Variants in DAB2IP observed in about 807,000 individuals in gnomAD.
DAB2IP encodes DAB2 interacting protein.
In DAB2IP, 28 loss-of-function variants were observed where a neutral mutation model predicts 107.2. The observed-to-expected ratio is 0.26, with a 90% confidence interval of 0.19 to 0.36. The LOEUF (loss-of-function observed/expected upper bound fraction) is 0.36. DAB2IP is among the 10% of genes least tolerant of loss of function. The probability of loss-of-function intolerance (pLI) is 1.00; values close to 1 mark genes in which losing one functional copy is unlikely to be tolerated. For synonymous variants in DAB2IP, 755 were observed against 706.4 expected (o/e 1.07, Z -1.09); for missense variants, 1,400 against 1,644.7 (o/e 0.85, Z 2.57).
At position 121,633,184 on chromosome 9, in the gene DAB2IP, AAT is replaced by A; in HGVS notation, c.41-45492_41-45491del. Among the ~76,000 whole-genome samples, 1 of 152,226 alleles carries A rather than the reference AAT, an allele frequency of 6.6e-6. No individual in the cohort carries two copies. The highest frequency in any genetic ancestry group is 1.5e-5 in the Non-Finnish European group (1 of 68,034). ...CTGAAAAATTCATGAGCACGCTGGG[AAT>A]AGAGACCTCATCGGGAAGGTTTGAC... is the stretch of plus-strand genomic sequence containing the variant. On this transcript the variant is annotated intron_variant, in intron 1 of 16. Transcript: ENST00000259371. The surrounding 1 kb of genome is among the most constrained non-coding windows in gnomAD (Gnocchi z 5.1).
At chr9:121,678,879 C>A in intron 2 of DAB2IP, 98 bp downstream of exon 2, 1 of 1,155,486 alleles carries the variant, frequency 8.7e-7, no homozygotes, top group Non-Finnish European at 1.2e-6. Flanking sequence ...TTCCTGGAGC[C>A]TCATGGACCC....
At chr9:121,677,754 C>T (rs887844094) in intron 1 of DAB2IP, among the ~76,000 whole-genome samples, 7 of 151,950 alleles carry the variant, frequency 4.6e-5, no homozygotes, top group South Asian at 4.2e-4. Context: ...TTTCGCCTCC[C>T]GGGTTCAAGT....
chr9:121,603,325 A>T (rs757712563), intron 1 of DAB2IP, among the ~76,000 whole-genome samples: 1 of 152,248 alleles, frequency 6.6e-6, no homozygotes, highest in Non-Finnish European at 1.5e-5. Flanking sequence ...AATCGCCTGC[A>T]TAGACCCCAG....
At chr9:121,623,751 G>C (rs1283777340) in intron 1 of DAB2IP, among the ~76,000 whole-genome samples, 1 of 152,002 alleles carries the variant, frequency 6.6e-6, no homozygotes, top group African/African-American at 2.4e-5. Context: ...GCAGTGGTGT[G>C]ATCTCAGCTC....
At chr9:121,607,374 G>A (rs771052145) in intron 1 of DAB2IP, among the ~76,000 whole-genome samples, 77 of 152,110 alleles carry the variant, frequency 5.1e-4, no homozygotes, top group Non-Finnish European at 9.1e-4. Flanking sequence ...CACAATCATG[G>A]CTCACTGTAG....
At position 121,782,429 on chromosome 9, in the gene DAB2IP, C is replaced by G; in HGVS notation, c.3501C>G (p.Ile1167Met). 6 of 1,614,156 alleles carry G rather than the reference C, an allele frequency of 3.7e-6. No individual in the cohort carries two copies. Among genetic ancestry groups the G allele is most frequent in the Non-Finnish European group, 5.1e-6 (6 of 1,179,996 alleles). Residue 1167 changes from isoleucine to methionine, a missense_variant, in exon 16 of 16, where the codon ATC (isoleucine) becomes ATG (methionine). Ile to Met is a conservative substitution (Grantham distance 10, BLOSUM62 1). Around this residue, in one of 3 missense-constraint regions of DAB2IP, gnomAD observed 600 missense variants for 659.1 expected, o/e 0.91. Transcript: ENST00000408936. This position sits in a 1 kb window ranked among gnomAD's most constrained non-coding sequence, Gnocchi z 6.1. ...ACAGCATGCAAGCCCGTAACGGCAT[C>G]TCCCCCACCAACCCCACCAAATTGC...
At chr9:121,572,251 G>A (rs553490269) in intron 1 of DAB2IP, among the ~76,000 whole-genome samples, 30 of 152,270 alleles carry the variant, frequency 2.0e-4, no homozygotes, top group African/African-American at 7.0e-4. Context: ...CCGCCTGGGT[G>A]TGTTTTCATT....
intron 1 of DAB2IP, among the ~76,000 whole-genome samples, chr9:121,596,832 C>G (rs572529017): frequency 5.3e-5 from 8 of 152,298 alleles, no homozygotes; most frequent in Admixed American, 3.3e-4. Flanking sequence ...CAGAGTGGCT[C>G]TACCCATTTC....
rs984324383 is a variant in DAB2IP at position 121,626,985 on chromosome 9, C to T, written c.41-51693C>T. On this transcript the variant is annotated intron_variant, in intron 1 of 16. Coordinates refer to the DAB2IP transcript ENST00000259371. ...ACTCTCTGTGCTCACACAAGCACAG[C>T]CTCCCCCACCATCAACATCCTGCAC... Among the ~76,000 whole-genome samples, 9 of 152,092 alleles carry T rather than the reference C, an allele frequency of 5.9e-5. 1 individual carries two copies.
intron 1 of DAB2IP, among the ~76,000 whole-genome samples, chr9:121,666,312 G>C (rs541188571): frequency 1.4e-4 from 21 of 152,272 alleles, no homozygotes; most frequent in African/African-American, 4.6e-4. Context: ...AATCACATCT[G>C]CAAAGTCCCT....
chr9:121,772,004 G>C lies in DAB2IP; in HGVS notation c.2079-603G>C, dbSNP rs1482030682. On this transcript the variant is annotated intron_variant, in intron 11 of 15. Coordinates refer to ENST00000408936, the Ensembl canonical transcript of DAB2IP. The surrounding 1 kb of genome is among the most constrained non-coding windows in gnomAD (Gnocchi z 4.7). ...AAGCGTAGAATGAGGAGGAGGCCAG[G>C]GCAAGTGCAGCCCTCCCACCAAGTC... Among the ~76,000 whole-genome samples the C allele has an allele frequency of 6.6e-6, 1 of 152,202 alleles. No individual in the cohort carries two copies. Among genetic ancestry groups the C allele is most frequent in the Non-Finnish European group, 1.5e-5 (1 of 68,044 alleles).
At position 121,772,556 on chromosome 9, in the gene DAB2IP, C is replaced by T; in HGVS notation, c.2079-51C>T. 1 of 1,563,792 alleles carries T rather than the reference C, an allele frequency of 6.4e-7. No homozygotes were observed. Reference sequence around the variant, plus strand: ...GGTTTGGACCCGCCTTGGCTGCACTCACAGTTCTTCTTTTCCCCTTCTTTC... The same window carrying T: ...GGTTTGGACCCGCCTTGGCTGCACTTACAGTTCTTCTTTTCCCCTTCTTTC... On this transcript the variant is annotated intron_variant, in intron 11 of 15. Coordinates refer to ENST00000408936, the Ensembl canonical transcript of DAB2IP. The surrounding 1 kb of genome is among the most constrained non-coding windows in gnomAD (Gnocchi z 4.7).
At chr9:121,685,960 G>A (rs191450456) in intron 2 of DAB2IP, among the ~76,000 whole-genome samples, 3 of 152,346 alleles carry the variant, frequency 2.0e-5, no homozygotes, top group African/African-American at 7.2e-5. Context: ...GAACAGAGCA[G>A]ATGGGATCTA....
intron 1 of DAB2IP, among the ~76,000 whole-genome samples, chr9:121,658,251 C>T (rs747325763): frequency 2.0e-5 from 3 of 152,214 alleles, no homozygotes; most frequent in Non-Finnish European, 4.4e-5. Flanking sequence ...CCCTGCACCT[C>T]CCTCTCGGGG....
intron 1 of DAB2IP, among the ~76,000 whole-genome samples, chr9:121,622,771 A>C (rs1410227309): frequency 6.6e-6 from 1 of 152,210 alleles, no homozygotes; most frequent in Non-Finnish European, 1.5e-5. Context: ...AGGAGGGAGG[A>C]GAGCAAATGG....
intron 1 of DAB2IP, among the ~76,000 whole-genome samples, chr9:121,608,819 C>A (rs560611351): frequency 6.6e-6 from 1 of 152,226 alleles, no homozygotes; most frequent in African/African-American, 2.4e-5. Flanking sequence ...CCTTATGGAA[C>A]CTTGCATCGT....
At chr9:121,575,504 G>A (rs150243239) in intron 1 of DAB2IP, 3 of 152,278 alleles carry the variant, frequency 2.0e-5, no homozygotes, top group Admixed American at 6.5e-5. Context: ...TTGGTATATT[G>A]TTCAATTCCC....
chr9:121,605,934 C>G (rs1032271652), intron 1 of DAB2IP, among the ~76,000 whole-genome samples: 1 of 152,184 alleles, frequency 6.6e-6, no homozygotes, highest in African/African-American at 2.4e-5. Flanking sequence ...CATAACTGTT[C>G]TGGGGTTGCA....
At chr9:121,748,772 A>G (rs1832892816) in intron 3 of DAB2IP, among the ~76,000 whole-genome samples, 1 of 152,240 alleles carries the variant, frequency 6.6e-6, no homozygotes. Flanking sequence ...CCTCACAGCA[A>G]GCATGAGCTG....
Sources: gnomAD v4.1 joint callset for allele counts (sites outside exome capture counted in the v4.1 genomes callset) on GRCh38, gnomAD v4.1.1 for gene constraint, gnomAD v4.1.1 regional missense constraint, Gnocchi (gnomAD v3.1) non-coding constraint, MANE v1.5 for transcripts, NCBI Gene and HGNC (gene_info 2026-07-23, HGNC 2026-07-21) for gene names.